The following MECR variants were observed in gnomAD, a reference collection of about 807,000 sequenced individuals.
MECR encodes the protein mitochondrial trans-2-enoyl-CoA reductase.
Under a neutral mutation model 49.1 loss-of-function variants are expected in MECR, and 37 were observed. The observed-to-expected ratio is 0.75, with a 90% CI of 0.58 to 0.99. MECR has a LOEUF of 0.99. MECR is among the 50% of genes least tolerant of loss of function. MECR has a pLI of 0.00. For synonymous variants in MECR, 198 were observed against 191.1 expected, an observed-to-expected ratio of 1.04 and a Z score of -0.30; for missense variants, 470 against 479.6, an observed-to-expected ratio of 0.98 and a Z score of 0.19.
At chr1:29,194,661 C>A (rs958518581) in intron 9 of MECR, among the ~76,000 whole-genome samples, 1 of 152,198 alleles carries the variant, frequency 6.6e-6, no homozygotes, top group Non-Finnish European at 1.5e-5. Context: ...CACGACCGGA[C>A]GCCACCAACA....
the MECR span, among the ~76,000 whole-genome samples, chr1:29,175,694 CAAAAAAAAAAAA>C: frequency 2.4e-3 from 94 of 38,594 alleles, 1 homozygote; most frequent in African/African-American, 0.012. Flanking sequence ...GACGCTGTCT[CAAAAAAAAAAAA>C]AAAAAAAAAA....
chr1:29,210,050 G>A (rs371733892), intron 3 of MECR, among the ~76,000 whole-genome samples: 89 of 149,272 alleles, frequency 6.0e-4, no homozygotes, highest in African/African-American at 2.1e-3. Flanking sequence ...TTGCTTTGTC[G>A]CTCAGGCTGG....
intron 3 of MECR, among the ~76,000 whole-genome samples, chr1:29,210,086 C>T (rs989056544): frequency 2.6e-5 from 4 of 151,432 alleles, no homozygotes; most frequent in African/African-American, 9.7e-5. Context: ...TCTCAGCTCA[C>T]TGCAAGCTCT....
the MECR span, among the ~76,000 whole-genome samples, chr1:29,178,841 A>G: frequency 6.6e-6 from 1 of 152,166 alleles, no homozygotes; most frequent in African/African-American, 2.4e-5. Flanking sequence ...CTTGAAATAC[A>G]TCTTTACCAT....
chr1:29,224,200 C>T (rs1025156095), intron 1 of MECR: 1 of 152,230 alleles, frequency 6.6e-6, no homozygotes, highest in Non-Finnish European at 1.5e-5. Flanking sequence ...TGTCACTCAA[C>T]TTGCTGAGGA....
At chr1:29,179,570 AAC>A in the MECR span, among the ~76,000 whole-genome samples, 1 of 152,138 alleles carries the variant, frequency 6.6e-6, no homozygotes, top group East Asian at 1.9e-4. Context: ...GCTGGTCTCA[AAC>A]TCCTGGCCTG....
At chr1:29,196,308 C>T in intron 7 of MECR, 50 bp from the exon 8 acceptor site, 1 of 1,501,262 alleles carries the variant, frequency 6.7e-7, no homozygotes, top group Non-Finnish European at 9.1e-7. Flanking sequence ...GAGACAGAGC[C>T]CTTCCTGAAC....
chr1:29,211,092 T>TG (rs1302681984), intron 3 of MECR, among the ~76,000 whole-genome samples: 1 of 151,246 alleles, frequency 6.6e-6, no homozygotes, highest in Non-Finnish European at 1.5e-5. Flanking sequence ...TAAAGGGTTT[T>TG]TTTTTTTTTT....
At chr1:29,178,682 A>G in the MECR span, among the ~76,000 whole-genome samples, 4 of 152,082 alleles carry the variant, frequency 2.6e-5, no homozygotes, top group Non-Finnish European at 5.9e-5. Context: ...CAATCTAGAT[A>G]TGTTCAAACA....
chr1:29,216,977 T>C (rs1364662124), intron 1 of MECR, among the ~76,000 whole-genome samples: 1 of 150,460 alleles, frequency 6.6e-6, no homozygotes. Flanking sequence ...TCTACTAAAA[T>C]ACAAAAATTA....
the MECR span, chr1:29,170,940 A>C: frequency 6.6e-6 from 1 of 152,214 alleles, no homozygotes; most frequent in African/African-American, 2.4e-5. Flanking sequence ...CATTGCGTGC[A>C]GTTCAGAAAT....
chr1:29,193,866 T>A lies in MECR; in HGVS notation c.*156A>T. The A allele has an allele frequency of 2.3e-6, 2 of 855,998 alleles. No individual in the cohort carries two copies. The highest frequency in any genetic ancestry group is 3.6e-6 in the Non-Finnish European group (2 of 558,072). The allele number at this position is 855,998 out of a possible 1,614,324, so 53.0% of individuals were successfully genotyped here. On this transcript the variant is annotated 3_prime_UTR_variant, in exon 10 of 10. Transcript: ENST00000263702. Reference sequence around the variant, plus strand: ...TTATTAGATACCTTAAGGCTGGCCCTGGGGAAAACCGTGGCTGGCTTCACC... The same window carrying A: ...TTATTAGATACCTTAAGGCTGGCCCAGGGGAAAACCGTGGCTGGCTTCACC...
chr1:29,186,879 G>A, the MECR span, among the ~76,000 whole-genome samples: 1 of 152,158 alleles, frequency 6.6e-6, no homozygotes, highest in Non-Finnish European at 1.5e-5. Context: ...CACATCTCTG[G>A]GAGGCTGCTG....
At chr1:29,210,756 C>G (rs1031749099) in intron 3 of MECR, among the ~76,000 whole-genome samples, 7 of 152,120 alleles carry the variant, frequency 4.6e-5, no homozygotes, top group Admixed American at 3.9e-4. Flanking sequence ...CTCTACCACT[C>G]ACTAGTGTGT....
chr1:29,216,430 G>C (rs1679423485), intron 2 of MECR, among the ~76,000 whole-genome samples, 158 bp downstream of exon 2: 1 of 152,220 alleles, frequency 6.6e-6, no homozygotes, highest in Admixed American at 6.5e-5. Flanking sequence ...TCCAGAAAAG[G>C]GAGGCCAGAC....
At chr1:29,182,666 C>G in the MECR span, among the ~76,000 whole-genome samples, 1 of 152,148 alleles carries the variant, frequency 6.6e-6, no homozygotes, top group Admixed American at 6.5e-5. Context: ...GCCTCAGCCT[C>G]CAGAGTAGCT....
At chr1:29,168,191 A>ATTTT in the MECR span, among the ~76,000 whole-genome samples, 6 of 134,964 alleles carry the variant, frequency 4.4e-5, no homozygotes, top group South Asian at 7.4e-4. Context: ...ATTTTTTGTA[A>ATTTT]TTTTTTTTTT....
chr1:29,169,438 T>C, the MECR span: 1 of 152,238 alleles, frequency 6.6e-6, no homozygotes, highest in Non-Finnish European at 1.5e-5. Flanking sequence ...ATAAGCATCT[T>C]ATGAGAAAGA....
At chr1:29,227,316 A>G (rs1237166064) in intron 1 of MECR, among the ~76,000 whole-genome samples, 3 of 152,208 alleles carry the variant, frequency 2.0e-5, no homozygotes, top group Non-Finnish European at 4.4e-5. Context: ...CACAAGGGAC[A>G]GTGGCTATGG....
Sources: allele counts gnomAD v4.1 joint callset (sites outside exome capture counted in the v4.1 genomes callset), GRCh38; gene constraint gnomAD v4.1.1; transcripts MANE v1.5; gene names NCBI Gene and HGNC (gene_info 2026-07-23, HGNC 2026-07-21).